The following TOGARAM1 variants were observed in gnomAD, a reference collection of about 807,000 sequenced individuals.
TOGARAM1 encodes the protein TOG array regulator of axonemal microtubules protein 1.
A neutral mutation model predicts 166.6 loss-of-function variants in TOGARAM1; 100 were observed. The ratio of observed to expected loss-of-function variants is 0.60; its 90% confidence interval spans 0.51 to 0.71. The LOEUF is 0.71. Among genes scored for constraint, TOGARAM1 ranks in the 30% least tolerant of loss-of-function variants. The pLI is 0.00. For missense variants in TOGARAM1, 2,029 were observed against 2,102.7 expected, an observed-to-expected ratio of 0.96 and a Z score of 0.69; for synonymous variants, 758 against 763.8, an observed-to-expected ratio of 0.99 and a Z score of 0.13.
At position 44,964,431 on chromosome 14, in the gene TOGARAM1, A is replaced by G. The variant is rs745548982; in HGVS notation, c.2010A>G (p.Gly670=). ...AAAATGAGCAACCTGGAATCATGGGAGAAAACCAGACCTCCACTTCCAAGG... is the reference window on the plus strand; with the variant it reads ...AAAATGAGCAACCTGGAATCATGGGGGAAAACCAGACCTCCACTTCCAAGG... ...PWENEQPGIM[G]ENQTSTSKDI... Residue 670 remains glycine, a synonymous_variant, in exon 1 of 20, where the codon GGA becomes GGG. Coordinates refer to ENST00000361462, the MANE Select transcript of TOGARAM1 (RefSeq NM_001308120.2). 1 of 1,601,416 alleles carries G rather than the reference A, an allele frequency of 6.2e-7. No homozygotes were observed. Among genetic ancestry groups the G allele is most frequent in the East Asian group, 2.2e-5 (1 of 44,756 alleles).
At chr14:45,008,517 C>T (rs902614910) in intron 5 of TOGARAM1, among the ~76,000 whole-genome samples, 7 of 152,144 alleles carry the variant, frequency 4.6e-5, no homozygotes, top group African/African-American at 1.7e-4. Context: ...TGAATCACCT[C>T]CCAGAGCTAG....
chr14:45,043,147 AT>A (rs1231403555), intron 11 of TOGARAM1, among the ~76,000 whole-genome samples: 1 of 150,500 alleles, frequency 6.6e-6, no homozygotes, highest in Non-Finnish European at 1.5e-5. Context: ...CAGCTTCTAC[AT>A]TAGCACCTAC....
At chr14:45,033,275 A>T (rs1306973974) in intron 11 of TOGARAM1, among the ~76,000 whole-genome samples, 1 of 150,904 alleles carries the variant, frequency 6.6e-6, no homozygotes, top group Non-Finnish European at 1.5e-5. Flanking sequence ...AAAAAATAGA[A>T]GTTCTGCAGA....
At position 45,045,541 on chromosome 14, in the gene TOGARAM1, G is replaced by GTATATA. The variant is rs1404316560; in HGVS notation, c.4154+672_4154+673insATATAT. On this transcript the variant is annotated intron_variant, in intron 13 of 19. Transcript: ENST00000361462. ...CAGAGTAGTATTCCATGGTCTGTGT[G>GTATATA]TGTATATATATATATATATATATAT... is the stretch of plus-strand genomic sequence containing the variant. Among the ~76,000 whole-genome samples the GTATATA allele has an allele frequency of 8.7e-4, 44 of 50,316 alleles. 1 individual carries two copies. The highest frequency in any genetic ancestry group is 1.6e-3 in the African/African-American group (15 of 9,414). 33.0% of individuals were successfully genotyped at this position (50,316 alleles called of 152,430 possible).
In TOGARAM1 at chr14:44,974,958, G is replaced by A. The variant is rs891623773; in HGVS notation, c.2046+10491G>A. Among the ~76,000 whole-genome samples, 10 of 152,188 alleles carry A rather than the reference G, an allele frequency of 6.6e-5. No homozygotes were observed. In the East Asian group the frequency reaches 1.7e-3, roughly 26 times the overall value. On this transcript the variant is annotated intron_variant, in intron 1 of 19. Coordinates refer to ENST00000361462, the MANE Select transcript of TOGARAM1 (RefSeq NM_001308120.2). ...AGTAATGTACAATTAAGGTGAGGGA[G>A]GGGGGAAGTGTTCTGTAGTGCTTTA...
chr14:45,002,484 A>G (rs1887733772), intron 3 of TOGARAM1, among the ~76,000 whole-genome samples: 1 of 152,204 alleles, frequency 6.6e-6, no homozygotes, highest in African/African-American at 2.4e-5. Context: ...CATTAAAACC[A>G]CTACCATCTC....
Position 45,044,302 on chromosome 14 carries a change from G to A in TOGARAM1, c.3919-333G>A, listed in dbSNP as rs556810585. Among the ~76,000 whole-genome samples the A allele has an allele frequency of 3.3e-5, 5 of 152,138 alleles. No individual in the cohort carries two copies. The East Asian group carries it at 5.8e-4, about 18-fold the overall frequency. On this transcript the variant is annotated intron_variant, in intron 12 of 19. Transcript: ENST00000361462. ...TGGGATTATAGGTGTAAGCCACCAC[G>A]CCCGGTTTAAGATACGTTACTTGAA...
At chr14:45,047,132 C>T (rs1012656919) in intron 14 of TOGARAM1, among the ~76,000 whole-genome samples, 57 of 152,252 alleles carry the variant, frequency 3.7e-4, no homozygotes, top group Middle Eastern at 6.8e-3. Flanking sequence ...TGGCTCACGC[C>T]TGTAATCCCA....
chr14:44,963,521 A>T lies in TOGARAM1; in HGVS notation c.1100A>T (p.Asn367Ile). Reference sequence around the variant, plus strand: ...TTATTGGATCAGGAAGACTATAAGAACCGGACCCAGGCCGTCGAAGAACTA... The same window carrying T: ...TTATTGGATCAGGAAGACTATAAGATCCGGACCCAGGCCGTCGAAGAACTA... ...SRLLDQEDYKNRTQAVEELKQ... is the reference protein window; with the variant it reads ...SRLLDQEDYKIRTQAVEELKQ... The change falls in exon 1 of 20, where the codon AAC (asparagine) becomes ATC (isoleucine). Residue 367 changes from asparagine (N) to isoleucine (I), a missense_variant. Asn to Ile is a moderately radical substitution (Grantham distance 149, BLOSUM62 -3). This residue lies in a region of TOGARAM1 where 1,453 missense variants were observed against 1,432.2 expected (regional missense o/e 1.01). Transcript: ENST00000361462. 1 of 1,614,196 alleles carries T rather than the reference A, an allele frequency of 6.2e-7. No homozygotes were observed. The highest frequency in any genetic ancestry group is 8.5e-7 in the Non-Finnish European group (1 of 1,180,032).
At chr14:45,002,198 C>A (rs763283693) in intron 3 of TOGARAM1, among the ~76,000 whole-genome samples, 1 of 152,128 alleles carries the variant, frequency 6.6e-6, no homozygotes, top group Admixed American at 6.6e-5. Context: ...ACAAAATAAT[C>A]CATCTTTCTT....
At chr14:45,042,664 C>T (rs1881786733) in intron 11 of TOGARAM1, among the ~76,000 whole-genome samples, 1 of 152,060 alleles carries the variant, frequency 6.6e-6, no homozygotes, top group South Asian at 2.1e-4. Flanking sequence ...GTTATCTTTA[C>T]ACTATAATGT....
chr14:44,969,313 G>C (rs549637694), intron 1 of TOGARAM1, among the ~76,000 whole-genome samples: 1 of 151,394 alleles, frequency 6.6e-6, no homozygotes, highest in Non-Finnish European at 1.5e-5. Flanking sequence ...CATCATGCCC[G>C]GCTAATTTTT....
At chr14:44,981,688 A>G (rs1055338004) in intron 1 of TOGARAM1, among the ~76,000 whole-genome samples, 1 of 152,150 alleles carries the variant, frequency 6.6e-6, no homozygotes, top group African/African-American at 2.4e-5. Context: ...ACAGAGGAAA[A>G]GTTTGTGCTT....
intron 14 of TOGARAM1, among the ~76,000 whole-genome samples, chr14:45,048,093 C>A (rs1436819552): frequency 6.8e-6 from 1 of 146,466 alleles, no homozygotes; most frequent in African/African-American, 2.5e-5. Flanking sequence ...GTGGCTTACA[C>A]CTGTAATCCC....
chr14:45,041,029 ACT>A (rs901936826), intron 11 of TOGARAM1, among the ~76,000 whole-genome samples: 1 of 151,794 alleles, frequency 6.6e-6, no homozygotes, highest in Non-Finnish European at 1.5e-5. Flanking sequence ...ACAGAGCGAG[ACT>A]CTGTCTCAAA....
chr14:45,018,656 C>G (rs370290385), intron 7 of TOGARAM1, among the ~76,000 whole-genome samples: 1 of 152,104 alleles, frequency 6.6e-6, no homozygotes. Flanking sequence ...TGATTAGAAA[C>G]TTTTTTTGGT....
rs1365695174 is a variant in TOGARAM1, at chr14:44,963,016, G to A, written c.595G>A (p.Ala199Thr). ...REENPALRKD[A>T]LQILHICLKR... is the part of the protein sequence containing the mutation. ...AGAGAATCCAGCCCTGCGGAAAGATGCGCTGCAGATCCTTCATATATGTCT... is the reference window on the plus strand; with the variant it reads ...AGAGAATCCAGCCCTGCGGAAAGATACGCTGCAGATCCTTCATATATGTCT... The change falls in exon 1 of 20, where the codon GCG (alanine) becomes ACG (threonine). Residue 199 changes from alanine (A) to threonine (T), a missense_variant. Ala to Thr is a moderately conservative substitution (Grantham distance 58). Transcript: ENST00000361462. 1.2e-6 allele frequency: 2 copies of A among 1,614,084 alleles called. No individual in the cohort carries two copies. The highest frequency in any genetic ancestry group is 1.7e-6 in the Non-Finnish European group (2 of 1,180,046).
Position 45,056,962 on chromosome 14 carries a change from A to G in TOGARAM1, c.4559+2413A>G, listed in dbSNP as rs58864563. Among the ~76,000 whole-genome samples the G allele has an allele frequency of 7.1e-3, 1,062 of 148,948 alleles. 6 individuals are homozygous for G. Among genetic ancestry groups the G allele is most frequent in the African/African-American group, 0.015 (574 of 38,750 alleles). On this transcript the variant is annotated intron_variant, in intron 16 of 19. Transcript: ENST00000361462. ...TTTTGTTTTATTTATTTATTTATTT[A>G]TTTGTTTGTTTGTTTATTGTACATT... is the stretch of plus-strand genomic sequence containing the variant.
At chr14:44,992,446 A>G (rs1887192378) in intron 1 of TOGARAM1, among the ~76,000 whole-genome samples, 1 of 152,038 alleles carries the variant, frequency 6.6e-6, no homozygotes, top group East Asian at 1.9e-4. Flanking sequence ...AGCCAGGAGT[A>G]TAGGTGATTT....
Sources: gnomAD v4.1 joint callset for allele counts (sites outside exome capture counted in the v4.1 genomes callset) on GRCh38, gnomAD v4.1.1 for gene constraint, gnomAD v4.1.1 regional missense constraint, MANE v1.5 for transcripts, NCBI Gene and HGNC (gene_info 2026-07-23, HGNC 2026-07-21) for gene names.